Variants in CMIP observed in about 807,000 individuals in gnomAD.
CMIP encodes c-Maf inducing protein.
In CMIP, 13 loss-of-function variants were observed where a neutral mutation model predicts 97.3. That is an observed-to-expected ratio of 0.13 (90% CI 0.09 to 0.21). CMIP has a LOEUF of 0.21. CMIP is among the 10% of genes least tolerant of loss of function. The pLI, the probability that CMIP is intolerant of heterozygous loss-of-function variation, is 1.00. For synonymous variants in CMIP, 538 were observed against 436.3 expected, an observed-to-expected ratio of 1.23 and a Z score of -2.91; for missense variants, 847 against 1,024.9, an observed-to-expected ratio of 0.83 and a Z score of 2.37.
chr16:81,700,636 A>T (rs993036742), intron 15 of CMIP: 1 of 152,552 alleles, frequency 6.6e-6, no homozygotes, highest in Non-Finnish European at 1.5e-5. Context: ...TGGCAGGCGC[A>T]GCAAAGCCAT....
intron 1 of CMIP, among the ~76,000 whole-genome samples, chr16:81,595,034 GTCTCTCTCTCTC>G (rs60887695): frequency 1.4e-5 from 2 of 145,716 alleles, no homozygotes; most frequent in East Asian, 2.0e-4. Context: ...ATATCATGTG[GTCTCTCTCTCTC>G]TCTCTCTCTC....
intron 9 of CMIP, 117 bp downstream of exon 9, chr16:81,672,187 G>T: frequency 1.6e-6 from 1 of 618,150 alleles, no homozygotes; most frequent in Admixed American, 2.5e-5. Flanking sequence ...CTGTTTACTG[G>T]GCAGACCTCA....
intron 1 of CMIP, among the ~76,000 whole-genome samples, chr16:81,567,618 G>A (rs1045710351): frequency 1.3e-4 from 20 of 152,174 alleles, no homozygotes; most frequent in Non-Finnish European, 2.1e-4. Context: ...TCGGCCCCTT[G>A]CGTGGCTAGA....
rs1476911111 is a variant in CMIP at position 81,664,334 on chromosome 16, C to T, written c.810C>T (p.Ile270=). The change falls in exon 7 of 21, where the codon ATC becomes ATT. Residue 270 remains isoleucine (I), a synonymous_variant. Coordinates refer to ENST00000537098, the MANE Select transcript of CMIP (RefSeq NM_198390.3). ...TGTTCACCCCCGTGGTGCAGCGAAT[C>T]CTCAAGCATAACATGGTGAGTCACC... The part of the protein sequence containing the change: ...IEVFTPVVQR[I]LKHNMDFGKC... 1 of 1,596,614 alleles carries T rather than the reference C, an allele frequency of 6.3e-7. No homozygotes were observed. The highest frequency in any genetic ancestry group is 1.1e-5 in the South Asian group (1 of 87,570).
At chr16:81,494,149 AGCAGTCACCGGGGGAATCGGGG>A (rs2089450252) in intron 1 of CMIP, among the ~76,000 whole-genome samples, 1 of 152,098 alleles carries the variant, frequency 6.6e-6, no homozygotes, top group African/African-American at 2.4e-5. Flanking sequence ...TTGCCTGCTG[AGCAGTCACCGGGGGAATCGGGG>A]GCAGTTACCG....
At chr16:81,647,215 A>G (rs1382330724) in intron 3 of CMIP, among the ~76,000 whole-genome samples, 1 of 152,182 alleles carries the variant, frequency 6.6e-6, no homozygotes, top group Non-Finnish European at 1.5e-5. Context: ...AATGACGTTG[A>G]GCATCTTCTT....
At chr16:81,546,445 A>T (rs1388966489) in intron 1 of CMIP, among the ~76,000 whole-genome samples, 2 of 152,128 alleles carry the variant, frequency 1.3e-5, no homozygotes, top group East Asian at 3.9e-4. Context: ...TTTCCTTTTC[A>T]TGACAGTTTT....
intron 1 of CMIP, among the ~76,000 whole-genome samples, chr16:81,515,453 G>C (rs939846111): frequency 4.6e-5 from 7 of 152,148 alleles, no homozygotes; most frequent in African/African-American, 1.7e-4. Flanking sequence ...TGGGTGGGCG[G>C]GCACCACTGG....
chr16:81,470,285 G>T (rs1349815168), intron 1 of CMIP, among the ~76,000 whole-genome samples: 4 of 152,266 alleles, frequency 2.6e-5, no homozygotes, highest in Middle Eastern at 6.8e-3. Flanking sequence ...TTCAAGAGGT[G>T]CCCCATCCAG....
At chr16:81,701,569 G>T in intron 15 of CMIP, 91 bp from the exon 16 acceptor site, 1 of 1,578,216 alleles carries the variant, frequency 6.3e-7, no homozygotes, top group Non-Finnish European at 8.7e-7. Context: ...TGGGGTTGCT[G>T]GTTTTCAAAA....
intron 1 of CMIP, among the ~76,000 whole-genome samples, chr16:81,471,672 T>C (rs541862058): frequency 6.6e-6 from 1 of 152,362 alleles, no homozygotes; most frequent in African/African-American, 2.4e-5. Context: ...TGGAGAGTAC[T>C]GAACCCTACA....
chr16:81,599,018 T>G (rs2091612917), intron 1 of CMIP, among the ~76,000 whole-genome samples: 1 of 145,184 alleles, frequency 6.9e-6, no homozygotes, highest in South Asian at 2.2e-4. Flanking sequence ...GGGCCTGGCA[T>G]GGGGGAAGGT....
intron 1 of CMIP, among the ~76,000 whole-genome samples, chr16:81,549,479 CT>C (rs1220997726): frequency 3.3e-5 from 5 of 152,106 alleles, no homozygotes; most frequent in Non-Finnish European, 7.4e-5. Context: ...CCCTGGAGTG[CT>C]GTACGTGCCC....
intron 3 of CMIP, among the ~76,000 whole-genome samples, chr16:81,649,952 G>A (rs1052241940): frequency 1.3e-5 from 2 of 152,250 alleles, no homozygotes; most frequent in African/African-American, 4.8e-5. Flanking sequence ...GTTTTGCACA[G>A]ATATTTCATC....
chr16:81,603,737 C>T (rs986748798), intron 1 of CMIP, among the ~76,000 whole-genome samples: 1 of 152,128 alleles, frequency 6.6e-6, no homozygotes. Context: ...TGAGGAAAGT[C>T]CCTCAGTTAT....
chr16:81,548,699 A>T (rs544294132), intron 1 of CMIP, among the ~76,000 whole-genome samples: 1 of 151,998 alleles, frequency 6.6e-6, no homozygotes, highest in South Asian at 2.1e-4. Flanking sequence ...GAAAAAAAAA[A>T]GCCAGGCATG....
chr16:81,593,400 G>T (rs912218030), intron 1 of CMIP, among the ~76,000 whole-genome samples: 3 of 152,142 alleles, frequency 2.0e-5, no homozygotes, highest in Non-Finnish European at 4.4e-5. Flanking sequence ...GGGAGTTTCT[G>T]CTCTGCAGCC....
chr16:81,642,065 G>T (rs544193905), intron 3 of CMIP, among the ~76,000 whole-genome samples: 1 of 152,256 alleles, frequency 6.6e-6, no homozygotes, highest in Non-Finnish European at 1.5e-5. Context: ...AAAGTGCTTC[G>T]CACAGGACCT....
intron 1 of CMIP, among the ~76,000 whole-genome samples, chr16:81,486,051 G>A (rs1433046948): frequency 2.6e-5 from 4 of 152,386 alleles, no homozygotes; most frequent in East Asian, 3.9e-4. Flanking sequence ...GGCCTGACAG[G>A]CAGAGAGGGG....
Sources: allele counts gnomAD v4.1 joint callset (sites outside exome capture counted in the v4.1 genomes callset), GRCh38; gene constraint gnomAD v4.1.1; transcripts MANE v1.5; gene names NCBI Gene and HGNC (gene_info 2026-07-23, HGNC 2026-07-21).